Variants in COMMD10 observed in about 807,000 individuals in gnomAD.
The protein encoded by COMMD10 is COMM domain containing 10.
Under a neutral mutation model 28.9 loss-of-function variants are expected in COMMD10, and 33 were observed. The observed-to-expected ratio is 1.14, with a 90% CI of 0.87 to 1.53. The LOEUF (loss-of-function observed/expected upper bound fraction) is 1.53, where lower values mean the gene tolerates loss of function less well. Among genes scored for constraint, COMMD10 ranks in the 40% most tolerant of loss-of-function variants. COMMD10 has a pLI of 0.00. For missense variants in COMMD10, 310 were observed against 233.4 expected (o/e 1.33, Z -2.14); for synonymous variants, 110 against 81.7 (o/e 1.35, Z -1.87).
chr5:116,248,174 T>C (rs745676910), intron 5 of COMMD10, among the ~76,000 whole-genome samples: 2 of 151,784 alleles, frequency 1.3e-5, no homozygotes, highest in Non-Finnish European at 2.9e-5. Context: ...TTAAGCTCTA[T>C]ACCAGCATGT....
At chr5:116,113,018 T>A (rs2112739685) in intron 4 of COMMD10, among the ~76,000 whole-genome samples, 1 of 152,346 alleles carries the variant, frequency 6.6e-6, no homozygotes, top group East Asian at 1.9e-4. Flanking sequence ...CTAGTTTTCA[T>A]GAATTCCCTC....
At chr5:116,115,779 G>A (rs956827776) in intron 4 of COMMD10, among the ~76,000 whole-genome samples, 8 of 151,982 alleles carry the variant, frequency 5.3e-5, no homozygotes, top group African/African-American at 1.2e-4. Context: ...TTTTCTGGGA[G>A]ATACCTAAAG....
chr5:116,233,011 G>A (rs74701289), intron 5 of COMMD10, among the ~76,000 whole-genome samples: 2,283 of 152,254 alleles, frequency 0.015, 60 homozygotes, highest in African/African-American at 0.048. Context: ...TGAATAAAAT[G>A]TGGAGCACGG....
intron 5 of COMMD10, among the ~76,000 whole-genome samples, chr5:116,181,654 T>G (rs1012389755): frequency 1.3e-5 from 2 of 151,928 alleles, no homozygotes; most frequent in African/African-American, 4.8e-5. Context: ...ATGCTTCTGG[T>G]CCAAGGACCA....
chr5:116,190,140 C>T (rs1034433151), intron 5 of COMMD10, among the ~76,000 whole-genome samples: 4 of 152,050 alleles, frequency 2.6e-5, no homozygotes, highest in African/African-American at 7.2e-5. Context: ...AGCACCACAG[C>T]CTCACACATC....
At chr5:116,237,190 G>A (rs577654037) in intron 5 of COMMD10, among the ~76,000 whole-genome samples, 3 of 152,086 alleles carry the variant, frequency 2.0e-5, no homozygotes, top group Non-Finnish European at 4.4e-5. Flanking sequence ...CAGCAAGCAG[G>A]TTAATGTGGC....
At position 116,264,358 on chromosome 5, in the gene COMMD10, C is replaced by A. The variant is rs767389151; in HGVS notation, c.511-27159C>A. The stretch of plus-strand genomic sequence containing the variant: ...TTTAGTTTATTCCCTTTAGTAGTTA[C>A]AAAAATTACTGCTTAGTGAAAACTT... On this transcript the variant is annotated intron_variant, in intron 5 of 6. Transcript: ENST00000274458. Among the ~76,000 whole-genome samples, 33 of 151,924 alleles carry A rather than the reference C, an allele frequency of 2.2e-4. 1 individual carries two copies. The highest frequency in any genetic ancestry group is 3.7e-4 in the Non-Finnish European group (25 of 67,988).
chr5:116,215,925 A>G (rs1209257598), intron 5 of COMMD10, among the ~76,000 whole-genome samples: 3 of 151,846 alleles, frequency 2.0e-5, no homozygotes, highest in Non-Finnish European at 4.4e-5. Context: ...GAATACCTAG[A>G]AGGAAAATAA....
At chr5:116,265,776 T>G (rs1260203942) in intron 5 of COMMD10, among the ~76,000 whole-genome samples, 4 of 151,778 alleles carry the variant, frequency 2.6e-5, no homozygotes, top group South Asian at 2.1e-4. Context: ...TTTCATAATT[T>G]GCTCAAGGTC....
At chr5:116,101,979 G>A (rs2416427) in intron 4 of COMMD10, among the ~76,000 whole-genome samples, 77,816 of 152,044 alleles carry the variant, frequency 0.51, 22,181 homozygotes, top group Non-Finnish European at 0.65. Context: ...CAGGTGCATA[G>A]TTTGCAAATA....
chr5:116,131,524 T>C (rs181505575), intron 4 of COMMD10, among the ~76,000 whole-genome samples: 100 of 152,160 alleles, frequency 6.6e-4, no homozygotes, highest in Non-Finnish European at 1.5e-5. Flanking sequence ...ACTTTTTTTC[T>C]TCCTCTTTCA....
intron 3 of COMMD10, 80 bp downstream of exon 3, chr5:116,091,269 T>G (rs1045097030): frequency 1.2e-5 from 7 of 606,418 alleles, no homozygotes; most frequent in Admixed American, 1.1e-4. Flanking sequence ...TGACATTCTG[T>G]TTTTTTTAAT....
intron 5 of COMMD10, among the ~76,000 whole-genome samples, chr5:116,167,902 C>T (rs1753184845): frequency 6.6e-6 from 1 of 152,086 alleles, no homozygotes; most frequent in Non-Finnish European, 1.5e-5. Context: ...AGACCATCGA[C>T]ACTATGAAGA....
At chr5:116,138,153 C>T (rs1272422408) in intron 5 of COMMD10, among the ~76,000 whole-genome samples, 1 of 151,642 alleles carries the variant, frequency 6.6e-6, no homozygotes, top group Non-Finnish European at 1.5e-5. Flanking sequence ...AAAATTAATG[C>T]TTATTAATCA....
At chr5:116,277,645 C>T (rs1750955676) in intron 5 of COMMD10, among the ~76,000 whole-genome samples, 1 of 151,836 alleles carries the variant, frequency 6.6e-6, no homozygotes, top group Non-Finnish European at 1.5e-5. Flanking sequence ...GAGGTAAATG[C>T]TGAACTTGCC....
At chr5:116,271,394 G>C (rs984343551) in intron 5 of COMMD10, among the ~76,000 whole-genome samples, 1 of 148,936 alleles carries the variant, frequency 6.7e-6, no homozygotes, top group Non-Finnish European at 1.5e-5. Flanking sequence ...AACCATTTTA[G>C]TAAGCATCCC....
rs191423003 is a variant in COMMD10, at chr5:116,257,727, A to G, written c.511-33790A>G. Among the ~76,000 whole-genome samples, 62 of 151,858 alleles carry G rather than the reference A, an allele frequency of 4.1e-4. 1 individual carries two copies. The East Asian group carries it at 7.0e-3, about 17-fold the overall frequency. On this transcript the variant is annotated intron_variant, in intron 5 of 6. Transcript: ENST00000274458. ...TTAATTTTTCAGAAAGAAATAATATATCAAATAAAAGGAATATTATGGTGG... is the reference window on the plus strand; with the variant it reads ...TTAATTTTTCAGAAAGAAATAATATGTCAAATAAAAGGAATATTATGGTGG...
At chr5:116,202,983 T>C (rs10078919) in intron 5 of COMMD10, among the ~76,000 whole-genome samples, 1 of 151,270 alleles carries the variant, frequency 6.6e-6, no homozygotes, top group Non-Finnish European at 1.5e-5. Context: ...CTGAATGGTA[T>C]TGCCTAGGTT....
At chr5:116,231,301 T>C (rs957762548) in intron 5 of COMMD10, among the ~76,000 whole-genome samples, 8 of 152,154 alleles carry the variant, frequency 5.3e-5, no homozygotes, top group African/African-American at 1.2e-4. Context: ...TTTAATAATA[T>C]AGCTTTTTCA....
Sources: gnomAD v4.1 joint callset for allele counts (sites outside exome capture counted in the v4.1 genomes callset) on GRCh38, gnomAD v4.1.1 for gene constraint, MANE v1.5 for transcripts, NCBI Gene and HGNC (gene_info 2026-07-23, HGNC 2026-07-21) for gene names.